Variants in XNDC1N observed in about 807,000 individuals in gnomAD.
XNDC1N encodes XRCC1 N-terminal domain containing 1, N-terminal like.
At chr11:71,923,061 C>T in the XNDC1N span, among the ~76,000 whole-genome samples, 1 of 152,164 alleles carries the variant, frequency 6.6e-6, no homozygotes, top group Admixed American at 6.6e-5. Context: ...TTGCCAGTGC[C>T]CTTCAAACTG....
the XNDC1N span, among the ~76,000 whole-genome samples, chr11:71,897,638 G>T: frequency 6.6e-6 from 1 of 152,196 alleles, no homozygotes; most frequent in Non-Finnish European, 1.5e-5. Context: ...AAGGAGTGGG[G>T]GAAAATAGTA....
chr11:71,911,038 G>A, the XNDC1N span, among the ~76,000 whole-genome samples: 1 of 152,230 alleles, frequency 6.6e-6, no homozygotes, highest in Non-Finnish European at 1.5e-5. Flanking sequence ...CAAACTGTGG[G>A]GCCCAGGCCG....
At chr11:71,916,216 T>C in the XNDC1N span, 1 of 702,536 alleles carries the variant, frequency 1.4e-6, no homozygotes, top group Non-Finnish European at 2.6e-6. Flanking sequence ...GCGAAGTCGA[T>C]CCCATAACTC....
At chr11:71,896,372 A>C in the XNDC1N span, among the ~76,000 whole-genome samples, 981 of 144,180 alleles carry the variant, frequency 6.8e-3, 14 homozygotes, top group East Asian at 0.078. Context: ...GGAATGAAGA[A>C]AAGTGGATAA....
At chr11:71,894,312 C>T in the XNDC1N span, 1,117 of 401,332 alleles carry the variant, frequency 2.8e-3, 21 homozygotes, top group South Asian at 0.021. Context: ...ACGCTGTGGT[C>T]ACCCCCATGC....
the XNDC1N span, chr11:71,923,294 T>A: frequency 1.4e-6 from 1 of 702,802 alleles, no homozygotes; most frequent in African/African-American, 1.7e-5. Context: ...AAATCATGCC[T>A]GCTGATTAAT....
the XNDC1N span, among the ~76,000 whole-genome samples, chr11:71,900,273 C>G: frequency 2.7e-3 from 417 of 152,310 alleles, 1 homozygote; most frequent in African/African-American, 9.7e-3. Context: ...GTCCCCTGGG[C>G]TCACTGTTGT....
the XNDC1N span, among the ~76,000 whole-genome samples, chr11:71,895,300 A>G: frequency 6.6e-6 from 1 of 151,290 alleles, no homozygotes; most frequent in Non-Finnish European, 1.5e-5. Flanking sequence ...ACCATTTCGC[A>G]TTTTCTATTT....
chr11:71,899,507 C>T, the XNDC1N span, among the ~76,000 whole-genome samples: 1 of 151,958 alleles, frequency 6.6e-6, no homozygotes, highest in East Asian at 1.9e-4. Flanking sequence ...TTGCCCCAGA[C>T]ACTTTGACCC....
At chr11:71,891,572 C>A in the XNDC1N span, among the ~76,000 whole-genome samples, 1 of 152,076 alleles carries the variant, frequency 6.6e-6, no homozygotes, top group African/African-American at 2.4e-5. Flanking sequence ...GAGAAAGATA[C>A]CACACCGCGG....
chr11:71,921,041 G>A, the XNDC1N span, among the ~76,000 whole-genome samples: 2 of 151,882 alleles, frequency 1.3e-5, no homozygotes, highest in Non-Finnish European at 2.9e-5. Context: ...GTGGAGTGTA[G>A]GGATACAATC....
At chr11:71,865,903 C>G in the XNDC1N span, 6 of 434,720 alleles carry the variant, frequency 1.4e-5, no homozygotes, top group East Asian at 3.7e-4. Flanking sequence ...AATCTCTACA[C>G]ATTACTAAAA....
At chr11:71,920,379 C>T in the XNDC1N span, among the ~76,000 whole-genome samples, 2 of 151,946 alleles carry the variant, frequency 1.3e-5, no homozygotes, top group Non-Finnish European at 2.9e-5. Context: ...GCGATCTATG[C>T]TCACTGCAAC....
the XNDC1N span, among the ~76,000 whole-genome samples, chr11:71,878,921 G>T: frequency 6.6e-6 from 1 of 152,132 alleles, no homozygotes; most frequent in Non-Finnish European, 1.5e-5. Flanking sequence ...GATCGCTTGA[G>T]CCTGAGATGT....
At chr11:71,904,282 G>A in the XNDC1N span, among the ~76,000 whole-genome samples, 1 of 152,088 alleles carries the variant, frequency 6.6e-6, no homozygotes, top group African/African-American at 2.4e-5. Flanking sequence ...ACACACACAT[G>A]GGGTACACCC....
the XNDC1N span, among the ~76,000 whole-genome samples, chr11:71,898,700 C>T: frequency 6.6e-6 from 1 of 152,078 alleles, no homozygotes; most frequent in Admixed American, 6.5e-5. Flanking sequence ...AAAGGTGGCC[C>T]CCAGGGGTGG....
chr11:71,885,213 T>C, the XNDC1N span, among the ~76,000 whole-genome samples: 1 of 152,004 alleles, frequency 6.6e-6, no homozygotes, highest in Non-Finnish European at 1.5e-5. Flanking sequence ...GGATATCGCG[T>C]GTCATATCCT....
the XNDC1N span, chr11:71,917,511 C>G: frequency 1.4e-6 from 1 of 698,808 alleles, no homozygotes; most frequent in Non-Finnish European, 2.6e-6. Context: ...AACCCCTGCA[C>G]AGGCTCCCTC....
the XNDC1N span, chr11:71,884,313 T>G: frequency 7.4e-7 from 1 of 1,346,314 alleles, no homozygotes; most frequent in East Asian, 2.7e-5. Context: ...GGGAAAGTTC[T>G]GTAATGCTTT....
Sources: gnomAD v4.1 joint callset for allele counts (sites outside exome capture counted in the v4.1 genomes callset) on GRCh38, gnomAD v4.1.1 for gene constraint, MANE v1.5 for transcripts, NCBI Gene and HGNC (gene_info 2026-07-23, HGNC 2026-07-21) for gene names.